The following EPC1 variants were observed in gnomAD, a reference collection of about 807,000 sequenced individuals.
EPC1 encodes the protein enhancer of polycomb homolog 1.
A neutral mutation model predicts 98.4 loss-of-function variants in EPC1; 12 were observed. That is an observed-to-expected ratio of 0.12 (90% CI 0.08 to 0.20). The LOEUF (loss-of-function observed/expected upper bound fraction) is 0.20. Among genes scored for constraint, EPC1 ranks in the 10% least tolerant of loss-of-function variants. The pLI is 1.00. For synonymous variants in EPC1, 357 were observed against 363.9 expected, an observed-to-expected ratio of 0.98 and a Z score of 0.21; for missense variants, 729 against 990.5, an observed-to-expected ratio of 0.74 and a Z score of 3.54.
chr10:32,372,567 A>G (rs1369272897), intron 1 of EPC1, among the ~76,000 whole-genome samples: 1 of 152,268 alleles, frequency 6.6e-6, no homozygotes, highest in Non-Finnish European at 1.5e-5. Flanking sequence ...GAGGTAAAGT[A>G]CAAGTACAAA....
chr10:32,316,943 T>C (rs1592589493), intron 1 of EPC1, among the ~76,000 whole-genome samples: 1 of 152,198 alleles, frequency 6.6e-6, no homozygotes, highest in South Asian at 2.1e-4. Context: ...GATGAATACA[T>C]GGGTGATAAA....
intron 6 of EPC1, 48 bp from the exon 7 acceptor site, chr10:32,287,322 A>C: frequency 6.3e-7 from 1 of 1,596,532 alleles, no homozygotes; most frequent in South Asian, 1.1e-5. Flanking sequence ...CATGTTCAAC[A>C]AATTTGCAGT....
intron 11 of EPC1, among the ~76,000 whole-genome samples, chr10:32,272,677 G>A (rs1359107956): frequency 6.6e-6 from 1 of 152,156 alleles, no homozygotes; most frequent in Non-Finnish European, 1.5e-5. Context: ...AAATTGATAG[G>A]CCCCTCAACT....
intron 1 of EPC1, among the ~76,000 whole-genome samples, chr10:32,328,513 T>C (rs1837438551): frequency 6.6e-6 from 1 of 152,210 alleles, no homozygotes; most frequent in African/African-American, 2.4e-5. Flanking sequence ...AAGCAGGTTG[T>C]CAAGGGTTTT....
chr10:32,303,779 CAT>C (rs1009388345), intron 2 of EPC1, among the ~76,000 whole-genome samples: 16 of 152,222 alleles, frequency 1.1e-4, no homozygotes, highest in Non-Finnish European at 1.3e-4. Context: ...CACACACACA[CAT>C]ATGTGGTACA....
chr10:32,287,575 G>A (rs973824263), intron 6 of EPC1, among the ~76,000 whole-genome samples: 2 of 152,132 alleles, frequency 1.3e-5, no homozygotes, highest in African/African-American at 4.8e-5. Context: ...TGTATTTACT[G>A]CTGGCTCCTC....
chr10:32,349,590 C>A (rs113090918), upstream of EPC1, among the ~76,000 whole-genome samples: 4 of 130,490 alleles, frequency 3.1e-5, no homozygotes, highest in African/African-American at 1.1e-4. Context: ...AACAAACAAA[C>A]AAAAAAACCC....
At chr10:32,282,959 C>T (rs1034866738) in intron 10 of EPC1, 5 of 152,116 alleles carry the variant, frequency 3.3e-5, no homozygotes, top group African/African-American at 1.2e-4. Flanking sequence ...TATTTTGATT[C>T]TTAAGACTAT....
At chr10:32,330,883 C>T (rs1003879734) in intron 1 of EPC1, among the ~76,000 whole-genome samples, 5 of 151,356 alleles carry the variant, frequency 3.3e-5, no homozygotes, top group Admixed American at 1.3e-4. Flanking sequence ...TCCAAAAAAG[C>T]GGAACAAAAT....
At chr10:32,350,630 A>C (rs1198307447), upstream of EPC1, among the ~76,000 whole-genome samples, 1 of 152,208 alleles carries the variant, frequency 6.6e-6, no homozygotes, top group East Asian at 1.9e-4. Context: ...ACTGGTAAGA[A>C]CTTGGGTGGA....
intron 1 of EPC1, among the ~76,000 whole-genome samples, chr10:32,372,339 G>A (rs1408811887): frequency 2.0e-5 from 3 of 152,182 alleles, no homozygotes; most frequent in Non-Finnish European, 4.4e-5. Context: ...ACAGGTGAAA[G>A]CTTCCATATA....
At chr10:32,362,169 C>G (rs986115673) in intron 1 of EPC1, among the ~76,000 whole-genome samples, 2 of 152,178 alleles carry the variant, frequency 1.3e-5, no homozygotes, top group African/African-American at 2.4e-5. Context: ...ACTTTATGGT[C>G]TTGCCCTGAA....
At chr10:32,287,848 GTT>G in intron 6 of EPC1, among the ~76,000 whole-genome samples, 1 of 152,210 alleles carries the variant, frequency 6.6e-6, no homozygotes, top group East Asian at 1.9e-4. Flanking sequence ...CTTTTGAACA[GTT>G]TTAAAGGATA....
chr10:32,299,013 C>T (rs570465238), intron 2 of EPC1, among the ~76,000 whole-genome samples: 1 of 152,286 alleles, frequency 6.6e-6, no homozygotes, highest in South Asian at 2.1e-4. Flanking sequence ...AAAAACAGTA[C>T]AAGGAACACC....
intron 1 of EPC1, among the ~76,000 whole-genome samples, chr10:32,329,555 C>G (rs1837515989): frequency 6.6e-6 from 1 of 152,192 alleles, no homozygotes; most frequent in Admixed American, 6.5e-5. Context: ...AGCTACTTGT[C>G]TAATCACATA....
intron 11 of EPC1, 56 bp from the exon 12 acceptor site, chr10:32,272,223 T>C (rs1219608564): frequency 7.0e-7 from 1 of 1,436,678 alleles, no homozygotes; most frequent in Admixed American, 2.5e-5. Context: ...CAAATCAATA[T>C]CAAAACTACA....
intron 1 of EPC1, 27 bp downstream of exon 1, chr10:32,346,736 G>C (rs772842668): frequency 6.2e-5 from 100 of 1,602,898 alleles, no homozygotes; most frequent in Middle Eastern, 1.7e-4. Flanking sequence ...GCCTGACGGT[G>C]GGTCGGACAG....
chr10:32,360,636 G>A (rs1839416215), intron 1 of EPC1, among the ~76,000 whole-genome samples: 1 of 152,194 alleles, frequency 6.6e-6, no homozygotes, highest in African/African-American at 2.4e-5. Flanking sequence ...GTTCATGCCT[G>A]TAATCCCTGC....
At chr10:32,275,773 TAA>T (rs777944694) in intron 10 of EPC1, among the ~76,000 whole-genome samples, 7 of 135,654 alleles carry the variant, frequency 5.2e-5, no homozygotes, top group Admixed American at 7.5e-5. Context: ...AGACTCCTTC[TAA>T]AAAAAAAAAA....
Sources: allele counts gnomAD v4.1 joint callset (sites outside exome capture counted in the v4.1 genomes callset), GRCh38; gene constraint gnomAD v4.1.1; transcripts MANE v1.5; gene names NCBI Gene and HGNC (gene_info 2026-07-23, HGNC 2026-07-21).